The following JMJD1C variants were observed in gnomAD, a reference collection of about 807,000 sequenced individuals.
JMJD1C encodes jumonji domain containing 1C.
Under a neutral mutation model 245.3 loss-of-function variants are expected in JMJD1C, and 31 were observed. The ratio of observed to expected loss-of-function variants is 0.13; its 90% CI spans 0.09 to 0.17. The LOEUF is 0.17. Among genes scored for constraint, JMJD1C ranks in the 10% least tolerant of loss-of-function variants. JMJD1C has a pLI of 1.00. For missense variants in JMJD1C, 2,691 were observed against 3,000.2 expected (o/e 0.90, Z 2.41); for synonymous variants, 1,057 against 1,017.4 (o/e 1.04, Z -0.74).
chr10:63,306,746 AC>A (rs1462178612), intron 2 of JMJD1C, among the ~76,000 whole-genome samples: 1 of 152,208 alleles, frequency 6.6e-6, no homozygotes, highest in African/African-American at 2.4e-5. Context: ...TATTAATAAC[AC>A]CCGATGTATT....
intron 1 of JMJD1C, among the ~76,000 whole-genome samples, chr10:63,500,216 G>T (rs72837055): frequency 6.6e-6 from 1 of 152,238 alleles, no homozygotes; most frequent in Non-Finnish European, 1.5e-5. Flanking sequence ...GAGCCCAGAA[G>T]TTCGAGACCA....
Position 63,336,129 on chromosome 10 carries a change from TAAGAAAAA to T in JMJD1C, c.333+44181_333+44188del, listed in dbSNP as rs1400886135. 2.0e-5 allele frequency among the ~76,000 whole-genome samples: 3 copies of T among 149,652 alleles called. No homozygotes were observed. The East Asian group carries it at 6.1e-4, about 30-fold the overall frequency. On this transcript the variant is annotated intron_variant, in intron 2 of 25. Coordinates refer to ENST00000399262, the MANE Select transcript of JMJD1C (RefSeq NM_032776.3). The stretch of plus-strand genomic sequence containing the variant: ...GAGTGAGACCCTGTCTCAAAAAAAA[TAAGAAAAA>T]AAGAAAAAAACCACGTCTATGAAAC...
At chr10:63,489,698 A>G (rs1444704271) in intron 1 of JMJD1C, 1 of 152,368 alleles carries the variant, frequency 6.6e-6, no homozygotes, top group African/African-American at 2.4e-5. Flanking sequence ...TTTTTAATAG[A>G]GACATATTTC....
intron 3 of JMJD1C, among the ~76,000 whole-genome samples, chr10:63,225,675 A>G (rs1040454816): frequency 3.3e-5 from 5 of 151,492 alleles, no homozygotes; most frequent in African/African-American, 1.2e-4. Context: ...GCTACTGGGG[A>G]GGCTGAGGCT....
At chr10:63,315,585 TC>T in intron 2 of JMJD1C, among the ~76,000 whole-genome samples, 1 of 152,180 alleles carries the variant, frequency 6.6e-6, no homozygotes, top group East Asian at 1.9e-4. Flanking sequence ...ATGCCTATAA[TC>T]CCAGCACTTT....
chr10:63,500,838 T>G (rs1283486389), intron 1 of JMJD1C, among the ~76,000 whole-genome samples: 1 of 151,798 alleles, frequency 6.6e-6, no homozygotes, highest in African/African-American at 2.4e-5. Context: ...GATGCACAGA[T>G]GGATGGATGG....
intron 1 of JMJD1C, among the ~76,000 whole-genome samples, chr10:63,519,469 C>T (rs1955135416): frequency 6.6e-6 from 1 of 152,162 alleles, no homozygotes; most frequent in Admixed American, 6.5e-5. Flanking sequence ...GACGTTTACC[C>T]TATCTGAGGC....
chr10:63,234,493 T>TAAAAAAAAAAAAAAA (rs71025129), intron 3 of JMJD1C, among the ~76,000 whole-genome samples: 19 of 37,026 alleles, frequency 5.1e-4, no homozygotes, highest in African/African-American at 1.1e-3. Flanking sequence ...AACCTCCTCT[T>TAAAAAAAAAAAAAAA]AAAAAAAAAA....
intron 2 of JMJD1C, among the ~76,000 whole-genome samples, chr10:63,311,697 T>C (rs1266301113): frequency 1.3e-5 from 2 of 152,162 alleles, no homozygotes; most frequent in Non-Finnish European, 2.9e-5. Flanking sequence ...TATGAATACA[T>C]GTTGTTTATG....
At chr10:63,294,046 A>G (rs1188708735) in intron 2 of JMJD1C, among the ~76,000 whole-genome samples, 1 of 152,148 alleles carries the variant, frequency 6.6e-6, no homozygotes, top group African/African-American at 2.4e-5. Flanking sequence ...AAATTTAACT[A>G]AATCATTCCC....
intron 23 of JMJD1C, chr10:63,176,782 G>T: frequency 4.7e-6 from 1 of 213,380 alleles, no homozygotes; most frequent in Non-Finnish European, 9.1e-6. Flanking sequence ...TATAGCACAT[G>T]GATGAGGAAC....
chr10:63,331,132 T>C (rs1942094059), intron 2 of JMJD1C, among the ~76,000 whole-genome samples: 1 of 152,230 alleles, frequency 6.6e-6, no homozygotes. Flanking sequence ...ACATTTAAAA[T>C]ATAATATGCT....
chr10:63,476,353 C>G (rs551359767), intron 1 of JMJD1C, among the ~76,000 whole-genome samples: 1 of 151,810 alleles, frequency 6.6e-6, no homozygotes, highest in Non-Finnish European at 1.5e-5. Flanking sequence ...CAACCCTCCA[C>G]GCTAACACCT....
At chr10:63,382,445 A>G (rs899470640) in intron 1 of JMJD1C, among the ~76,000 whole-genome samples, 1 of 151,930 alleles carries the variant, frequency 6.6e-6, no homozygotes, top group Non-Finnish European at 1.5e-5. Context: ...AGAATAAAGG[A>G]AAAAAATCAT....
intron 2 of JMJD1C, among the ~76,000 whole-genome samples, chr10:63,281,205 G>A (rs1564729606): frequency 6.7e-6 from 1 of 150,196 alleles, no homozygotes; most frequent in Non-Finnish European, 1.5e-5. Flanking sequence ...CACGATCTCG[G>A]CTCACTGCAA....
chr10:63,185,760 A>G, intron 19 of JMJD1C, 107 bp from the exon 20 acceptor site: 1 of 699,780 alleles, frequency 1.4e-6, no homozygotes, highest in South Asian at 1.7e-5. Flanking sequence ...GTTGCACATT[A>G]CATGCTTAAT....
chr10:63,367,848 C>T (rs1440263342), intron 2 of JMJD1C, among the ~76,000 whole-genome samples: 1 of 152,136 alleles, frequency 6.6e-6, no homozygotes, highest in Non-Finnish European at 1.5e-5. Context: ...CAAGGTAAAA[C>T]TCTGGATTAA....
At chr10:63,362,627 G>A (rs1042814570) in intron 2 of JMJD1C, among the ~76,000 whole-genome samples, 28 of 151,882 alleles carry the variant, frequency 1.8e-4, no homozygotes, top group Admixed American at 5.9e-4. Flanking sequence ...CTACAGGTGG[G>A]CACCACCACA....
intron 1 of JMJD1C, among the ~76,000 whole-genome samples, chr10:63,438,305 G>A (rs1276307355): frequency 1.3e-5 from 2 of 152,130 alleles, no homozygotes; most frequent in Non-Finnish European, 2.9e-5. Flanking sequence ...CACATCAGAT[G>A]CAATTCAGCA....
Sources: gnomAD v4.1 joint callset for allele counts (sites outside exome capture counted in the v4.1 genomes callset) on GRCh38, gnomAD v4.1.1 for gene constraint, MANE v1.5 for transcripts, NCBI Gene and HGNC (gene_info 2026-07-23, HGNC 2026-07-21) for gene names.